The following PPP2R2C variants were observed in gnomAD, a reference collection of about 807,000 sequenced individuals.
PPP2R2C encodes the protein protein phosphatase 2, regulatory subunit B, gamma.
In PPP2R2C, 10 loss-of-function variants were observed where a neutral mutation model predicts 45.3. The ratio of observed to expected loss-of-function variants is 0.22; its 90% CI spans 0.14 to 0.37. The LOEUF (loss-of-function observed/expected upper bound fraction) is 0.37, where lower values mean the gene tolerates loss of function less well. PPP2R2C is among the 10% of genes least tolerant of loss of function. The pLI, the probability that PPP2R2C is intolerant of heterozygous loss-of-function variation, is 1.00. For missense variants in PPP2R2C, 308 were observed against 619.7 expected (o/e 0.50, Z 5.34); for synonymous variants, 257 against 245.4 (o/e 1.05, Z -0.44).
At chr4:6,380,879 C>T (rs1456553288) in intron 2 of PPP2R2C, 118 bp downstream of exon 2, 1 of 1,404,768 alleles carries the variant, frequency 7.1e-7, no homozygotes, top group Non-Finnish European at 9.3e-7. Flanking sequence ...AGTCCCCTCC[C>T]ACCTCTCACC....
At chr4:6,407,847 G>A (rs1241089810) in intron 1 of PPP2R2C, among the ~76,000 whole-genome samples, 1 of 152,218 alleles carries the variant, frequency 6.6e-6, no homozygotes, top group Non-Finnish European at 1.5e-5. Context: ...GCGCTATCCA[G>A]TACAGGGACC....
chr4:6,417,459 G>T (rs1159332214), intron 1 of PPP2R2C, among the ~76,000 whole-genome samples: 2 of 152,174 alleles, frequency 1.3e-5, no homozygotes, highest in Non-Finnish European at 2.9e-5. Context: ...TGTGACCTCA[G>T]TTTGCCCCCC....
At chr4:6,496,057 C>T (rs542046492) in intron 2 of PPP2R2C, among the ~76,000 whole-genome samples, 1 of 152,154 alleles carries the variant, frequency 6.6e-6, no homozygotes, top group African/African-American at 2.4e-5. Flanking sequence ...TCTCCCTAAC[C>T]CCCCTCTCTT....
chr4:6,554,947 G>GAA (rs796908499), intron 1 of PPP2R2C, among the ~76,000 whole-genome samples: 1 of 134,646 alleles, frequency 7.4e-6, no homozygotes, highest in South Asian at 2.6e-4. Context: ...AAGAAAGAAA[G>GAA]AAAGAAAGAA....
intron 8 of PPP2R2C, among the ~76,000 whole-genome samples, chr4:6,327,025 A>G (rs924197905): frequency 1.3e-5 from 2 of 152,222 alleles, no homozygotes; most frequent in African/African-American, 4.8e-5. Context: ...GGCAGGACCC[A>G]GGGTCTGTTT....
intron 1 of PPP2R2C, among the ~76,000 whole-genome samples, chr4:6,555,323 C>A (rs754111680): frequency 6.6e-6 from 1 of 152,240 alleles, no homozygotes; most frequent in Non-Finnish European, 1.5e-5. Context: ...ACGTCTGGGG[C>A]TGCCCTGTGC....
At chr4:6,442,891 C>A (rs936917580) in intron 1 of PPP2R2C, among the ~76,000 whole-genome samples, 15 of 152,234 alleles carry the variant, frequency 9.9e-5, no homozygotes, top group African/African-American at 3.1e-4. Context: ...GGACGCTCTG[C>A]GTGATGAGTT....
intron 1 of PPP2R2C, chr4:6,383,132 T>TA (rs1465529190): frequency 8.6e-7 from 1 of 1,159,556 alleles, no homozygotes; most frequent in Admixed American, 4.3e-5. Context: ...GGGGCTTAGG[T>TA]ACTGGGGGTT....
intron 1 of PPP2R2C, among the ~76,000 whole-genome samples, chr4:6,444,223 A>T (rs1364289523): frequency 6.6e-6 from 1 of 152,204 alleles, no homozygotes; most frequent in Non-Finnish European, 1.5e-5. Context: ...TGGAAATCAG[A>T]TGGATAAATA....
chr4:6,411,431 T>C (rs1016228834), intron 1 of PPP2R2C, among the ~76,000 whole-genome samples: 1 of 152,126 alleles, frequency 6.6e-6, no homozygotes, highest in African/African-American at 2.4e-5. Flanking sequence ...TCTCCTCCCA[T>C]CATTCCTCCC....
chr4:6,351,708 C>T lies in PPP2R2C; in HGVS notation c.626-3698G>A, dbSNP rs569110923. On this transcript the variant is annotated intron_variant, in intron 5 of 8. Transcript: ENST00000382599. Reference sequence around the variant, plus strand: ...GGCCAATGCGGCAGGCCCTCCACAACAGGGTCCCCACGGTAAGATCTCCGT... The same window carrying T: ...GGCCAATGCGGCAGGCCCTCCACAATAGGGTCCCCACGGTAAGATCTCCGT... 7.9e-5 allele frequency among the ~76,000 whole-genome samples: 12 copies of T among 152,278 alleles called. No individual in the cohort carries two copies. In the East Asian group the frequency reaches 1.7e-3, roughly 22 times the overall value.
intron 2 of PPP2R2C, among the ~76,000 whole-genome samples, chr4:6,497,756 G>A (rs747041419): frequency 2.0e-5 from 3 of 152,184 alleles, no homozygotes; most frequent in Non-Finnish European, 4.4e-5. Flanking sequence ...ATGATTAACA[G>A]AGAAAGTACA....
chr4:6,367,066 G>A (rs1160387482), intron 5 of PPP2R2C, among the ~76,000 whole-genome samples: 2 of 151,712 alleles, frequency 1.3e-5, no homozygotes, highest in Non-Finnish European at 2.9e-5. Flanking sequence ...GAGGGAGGAG[G>A]CTGGGAGGGC....
At chr4:6,353,960 G>A (rs1294545587) in intron 5 of PPP2R2C, among the ~76,000 whole-genome samples, 1 of 68,258 alleles carries the variant, frequency 1.5e-5, no homozygotes, top group Admixed American at 1.5e-4. Flanking sequence ...CCCCCACACC[G>A]CTCCTTCTCT....
intron 1 of PPP2R2C, among the ~76,000 whole-genome samples, chr4:6,410,456 C>A (rs1317897557): frequency 6.6e-6 from 1 of 152,176 alleles, no homozygotes; most frequent in South Asian, 2.1e-4. Context: ...GCAGAGACCC[C>A]ATGCACCCAC....
chr4:6,401,421 T>A (rs185525273), intron 1 of PPP2R2C, among the ~76,000 whole-genome samples: 2 of 152,290 alleles, frequency 1.3e-5, no homozygotes, highest in African/African-American at 4.8e-5. Flanking sequence ...TAAGTTGTTA[T>A]GCACATGGGC....
At chr4:6,449,752 C>T (rs1720639154) in intron 1 of PPP2R2C, among the ~76,000 whole-genome samples, 1 of 152,252 alleles carries the variant, frequency 6.6e-6, no homozygotes, top group Admixed American at 6.5e-5. Flanking sequence ...CCATCCCGCA[C>T]AAGGGCCTGC....
chr4:6,472,305 C>A lies in PPP2R2C; in HGVS notation c.-76G>T, dbSNP rs1051664965. On this transcript the variant is annotated 5_prime_UTR_variant, in exon 1 of 9. Transcript: ENST00000382599. ...CAATCCGCAGAGGTCGCGCCGGGCG[C>A]GCGGGCCATGCCGCCGCAGCCTAGC... 1 of 1,585,584 alleles carries A rather than the reference C, an allele frequency of 6.3e-7. No individual in the cohort carries two copies. Among genetic ancestry groups the A allele is most frequent in the Admixed American group, 1.7e-5 (1 of 58,690 alleles).
intron 1 of PPP2R2C, among the ~76,000 whole-genome samples, chr4:6,389,281 CGGACTTCCTCCCCAGCACGTCGGG>C (rs1479339812): frequency 4.6e-5 from 7 of 152,212 alleles, no homozygotes; most frequent in Admixed American, 6.5e-5. Flanking sequence ...ATGCTCGTCA[CGGACTTCCTCCCCAGCACGTCGGG>C]GGACTTGCTC....
Sources: allele counts gnomAD v4.1 joint callset (sites outside exome capture counted in the v4.1 genomes callset), GRCh38; gene constraint gnomAD v4.1.1; transcripts MANE v1.5; gene names NCBI Gene and HGNC (gene_info 2026-07-23, HGNC 2026-07-21).